The following DOCK1 variants were observed in gnomAD, a reference collection of about 807,000 sequenced individuals.
DOCK1 encodes dedicator of cytokinesis protein 1.
Under a neutral mutation model 262.7 loss-of-function variants are expected in DOCK1, and 138 were observed. The ratio of observed to expected loss-of-function variants is 0.53; its 90% CI spans 0.46 to 0.61. The LOEUF (loss-of-function observed/expected upper bound fraction) is 0.61, where lower values mean the gene tolerates loss of function less well. DOCK1 is among the 20% of genes least tolerant of loss of function. The pLI is 0.00. For missense variants in DOCK1, 1,908 were observed against 2,370.7 expected (o/e 0.80, Z 4.05); for synonymous variants, 866 against 867.4 (o/e 1.00, Z 0.03).
chr10:126,987,301 G>A (rs529470547), intron 4 of DOCK1, among the ~76,000 whole-genome samples: 7 of 152,238 alleles, frequency 4.6e-5, no homozygotes, highest in Admixed American at 2.6e-4. Context: ...GATGGCTTAC[G>A]TGCAGGGTAA....
chr10:127,433,366 G>C lies in DOCK1; in HGVS notation c.4998G>C (p.Leu1666=). 2 of 1,613,938 alleles carry C rather than the reference G, an allele frequency of 1.2e-6. No homozygotes were observed. The highest frequency in any genetic ancestry group is 1.1e-5 in the South Asian group (1 of 91,084). The change falls in exon 48 of 52, where the codon CTG becomes CTC. Residue 1666 remains leucine, a synonymous_variant. Transcript: ENST00000623213. ...CGATGCCTTCCTCATCCCGCCCTCT[G>C]TCTGTGGCCTCTGTCTCTTCCCTCT... ...SFTMPSSSRP[L]SVASVSSLSS... is the part of the protein sequence containing the mutation.
intron 27 of DOCK1, among the ~76,000 whole-genome samples, chr10:127,245,242 G>A (rs1036995071): frequency 8.5e-5 from 13 of 152,202 alleles, no homozygotes; most frequent in Admixed American, 2.0e-4. Context: ...CAGATCATCC[G>A]TTTCCTAATG....
chr10:127,022,112 G>C (rs1342427319), intron 13 of DOCK1, among the ~76,000 whole-genome samples: 2 of 152,048 alleles, frequency 1.3e-5, no homozygotes, highest in Admixed American at 1.3e-4. Context: ...GTAGGAAGAA[G>C]AGTCTTGAGC....
intron 27 of DOCK1, among the ~76,000 whole-genome samples, chr10:127,146,400 C>T (rs1011167742): frequency 2.6e-5 from 4 of 152,062 alleles, no homozygotes; most frequent in Non-Finnish European, 5.9e-5. Flanking sequence ...AACCTAAATC[C>T]GTACATATTC....
At chr10:127,196,923 G>T (rs947205493) in intron 27 of DOCK1, among the ~76,000 whole-genome samples, 1 of 152,092 alleles carries the variant, frequency 6.6e-6, no homozygotes, top group African/African-American at 2.4e-5. Context: ...TCAGGGATGG[G>T]GGGTCGCTGG....
intron 29 of DOCK1, among the ~76,000 whole-genome samples, chr10:127,297,673 T>C (rs2061547577): frequency 6.6e-6 from 1 of 152,196 alleles, no homozygotes; most frequent in Admixed American, 6.5e-5. Flanking sequence ...AGTAATACAT[T>C]TCTTAACTTT....
At position 127,437,723 on chromosome 10, in the gene DOCK1, C is replaced by T. The variant is rs1191747671; in HGVS notation, c.5061-1304C>T. Among the ~76,000 whole-genome samples the T allele has an allele frequency of 2.6e-5, 4 of 152,156 alleles. No individual in the cohort carries two copies. The highest frequency in any genetic ancestry group is 4.4e-5 in the Non-Finnish European group (3 of 68,024). On this transcript the variant is annotated intron_variant, in intron 48 of 51. Transcript: ENST00000623213. The surrounding 1 kb of genome is among the most constrained non-coding windows in gnomAD (Gnocchi z 4.4). ...CGAACTCCTGAGCTCAAATGATCCA[C>T]CTGCCTTAGCCTCCCCAAGTGCTAG...
At chr10:127,185,408 C>T (rs2056137232) in intron 27 of DOCK1, among the ~76,000 whole-genome samples, 1 of 152,130 alleles carries the variant, frequency 6.6e-6, no homozygotes, top group South Asian at 2.1e-4. Context: ...TGCCTGTAAT[C>T]CCAGCTACTT....
chr10:127,237,542 G>A (rs893534347), intron 27 of DOCK1, among the ~76,000 whole-genome samples: 11 of 152,032 alleles, frequency 7.2e-5, no homozygotes, highest in Non-Finnish European at 1.5e-4. Context: ...AGCCATTCCC[G>A]TACTTAAGAA....
At chr10:127,339,732 T>TGTGTGC (rs1243468884) in intron 30 of DOCK1, among the ~76,000 whole-genome samples, 2 of 40,336 alleles carry the variant, frequency 5.0e-5, no homozygotes, top group South Asian at 1.6e-3. Context: ...TGTGTGTGTG[T>TGTGTGC]GTGCATGCTG....
At chr10:126,921,571 G>A (rs1350379134) in intron 1 of DOCK1, among the ~76,000 whole-genome samples, 1 of 152,146 alleles carries the variant, frequency 6.6e-6, no homozygotes, top group African/African-American at 2.4e-5. Flanking sequence ...GATGGGGAGT[G>A]GCCTCTTAGT....
chr10:127,183,927 A>T (rs888043179), intron 27 of DOCK1, among the ~76,000 whole-genome samples: 1 of 152,134 alleles, frequency 6.6e-6, no homozygotes, highest in Non-Finnish European at 1.5e-5. Flanking sequence ...TGTGCATGAT[A>T]ATAAGTAGCT....
chr10:126,912,680 C>T (rs1204234271), intron 1 of DOCK1, among the ~76,000 whole-genome samples: 4 of 147,538 alleles, frequency 2.7e-5, no homozygotes, highest in African/African-American at 7.6e-5. Flanking sequence ...GAGCCGAGAT[C>T]GCGCCACCGT....
At chr10:127,194,953 A>G (rs544587434) in intron 27 of DOCK1, among the ~76,000 whole-genome samples, 1 of 152,326 alleles carries the variant, frequency 6.6e-6, no homozygotes, top group East Asian at 1.9e-4. Flanking sequence ...GCAGCTCCCC[A>G]GCACAGACCA....
At chr10:126,948,572 C>G (rs1001621376) in intron 1 of DOCK1, among the ~76,000 whole-genome samples, 1 of 151,852 alleles carries the variant, frequency 6.6e-6, no homozygotes, top group African/African-American at 2.4e-5. Context: ...TCGGGATAGG[C>G]ACCCTGAAAC....
At chr10:126,933,618 G>GC (rs1197964765) in intron 1 of DOCK1, among the ~76,000 whole-genome samples, 1 of 152,058 alleles carries the variant, frequency 6.6e-6, no homozygotes, top group Non-Finnish European at 1.5e-5. Context: ...CCCTGAGTCA[G>GC]CCCCCCGGAT....
chr10:127,331,328 G>A (rs557463333), intron 29 of DOCK1, among the ~76,000 whole-genome samples: 75 of 152,272 alleles, frequency 4.9e-4, no homozygotes, highest in African/African-American at 1.8e-3. Flanking sequence ...TGTTACCCAG[G>A]CTGGAGTGCA....
At chr10:127,393,936 G>A (rs537403898) in intron 38 of DOCK1, among the ~76,000 whole-genome samples, 73 of 151,868 alleles carry the variant, frequency 4.8e-4, no homozygotes, top group African/African-American at 1.6e-3. Context: ...CTTGCCGCCC[G>A]CCTGAGTGTG....
At chr10:126,964,065 G>A (rs919005500) in intron 1 of DOCK1, among the ~76,000 whole-genome samples, 4,389 of 152,248 alleles carry the variant, frequency 0.029, 199 homozygotes, top group African/African-American at 0.099. Context: ...TCACATTCTC[G>A]CTAGTAGTAC....
Sources: gnomAD v4.1 joint callset for allele counts (sites outside exome capture counted in the v4.1 genomes callset) on GRCh38, gnomAD v4.1.1 for gene constraint, Gnocchi (gnomAD v3.1) non-coding constraint, MANE v1.5 for transcripts, NCBI Gene and HGNC (gene_info 2026-07-23, HGNC 2026-07-21) for gene names.